The following HELLS variants were observed in gnomAD, a reference collection of about 807,000 sequenced individuals.
HELLS encodes the protein helicase, lymphoid specific, also known as lymphoid-specific helicase.
HELLS carries 32 observed loss-of-function variants against 120.0 expected under a neutral mutation model. That is an observed-to-expected ratio of 0.27 (90% CI 0.20 to 0.36). The LOEUF is 0.36. Ranked by LOEUF, HELLS falls within the 10% of genes least tolerant of loss-of-function variation. The pLI is 1.00. For synonymous variants in HELLS, 341 were observed against 323.4 expected (o/e 1.05, Z -0.58); for missense variants, 650 against 993.4 (o/e 0.65, Z 4.65).
At chr10:94,606,058 GTCTTTTTTTTTTT>G (rs1300502205), downstream of HELLS, among the ~76,000 whole-genome samples, 1 of 147,002 alleles carries the variant, frequency 6.8e-6, no homozygotes, top group African/African-American at 2.6e-5. Context: ...CTTGGTATGG[GTCTTTTTTTTTTT>G]TCTTTTTTTT....
intron 10 of HELLS, among the ~76,000 whole-genome samples, chr10:94,578,050 G>A (rs1213940606): frequency 1.6e-5 from 2 of 125,702 alleles, no homozygotes; most frequent in African/African-American, 3.0e-5. Flanking sequence ...GGCCTGGGCC[G>A]ACAGAGCGAG....
chr10:94,593,446 C>T, intron 17 of HELLS, 53 bp from the exon 18 acceptor site: 4 of 1,133,968 alleles, frequency 3.5e-6, no homozygotes, highest in Non-Finnish European at 5.3e-6. Context: ...CTCCTTCAGT[C>T]TTGTTGGTTA....
At chr10:94,584,404 C>T (rs1589747880) in intron 12 of HELLS, among the ~76,000 whole-genome samples, 1 of 151,976 alleles carries the variant, frequency 6.6e-6, no homozygotes, top group Admixed American at 6.6e-5. Flanking sequence ...TTTTTTCCCA[C>T]TGTGACTCTG....
At chr10:94,580,885 A>T (rs1421973973) in intron 10 of HELLS, among the ~76,000 whole-genome samples, 1 of 152,196 alleles carries the variant, frequency 6.6e-6, no homozygotes, top group Non-Finnish European at 1.5e-5. Context: ...TGAGTGGGTG[A>T]CTTTCTGTGA....
chr10:94,585,494 G>GAGCAGCTTTT lies in HELLS; in HGVS notation c.1326+2435_1326+2436insAGCAGCTTTT, dbSNP rs1316163958. 2.7e-5 allele frequency among the ~76,000 whole-genome samples: 4 copies of GAGCAGCTTTT among 146,978 alleles called. No individual in the cohort carries two copies. The East Asian group carries it at 8.0e-4, about 29-fold the overall frequency. ...CCTCCCAGGTTCAAGCGATTTTCCTGCCTTAGCCTCCTGAGCAGCTGGGAT... is the reference window on the plus strand; with the variant it reads ...CCTCCCAGGTTCAAGCGATTTTCCTGAGCAGCTTTTCCTTAGCCTCCTGAGCAGCTGGGAT... On this transcript the variant is annotated intron_variant, in intron 12 of 21. Coordinates refer to ENST00000348459, the MANE Select transcript of HELLS (RefSeq NM_018063.5).
intron 19 of HELLS, among the ~76,000 whole-genome samples, chr10:94,596,564 C>G (rs982522967): frequency 1.3e-5 from 2 of 151,872 alleles, no homozygotes; most frequent in African/African-American, 4.8e-5. Flanking sequence ...TTTCTAGATT[C>G]TGGTTATTAT....
At chr10:94,553,757 C>T (rs912067733) in intron 2 of HELLS, among the ~76,000 whole-genome samples, 4 of 150,198 alleles carry the variant, frequency 2.7e-5, no homozygotes, top group Admixed American at 6.7e-5. Flanking sequence ...CATGTTGGTC[C>T]GGCTGGTCTC....
At chr10:94,591,440 T>A (rs575150766) in intron 15 of HELLS, among the ~76,000 whole-genome samples, 1 of 152,328 alleles carries the variant, frequency 6.6e-6, no homozygotes, top group East Asian at 1.9e-4. Flanking sequence ...AATAAATTCT[T>A]AGTAACCCTC....
chr10:94,613,497 G>A (rs1846214571), exon 10 of HELLS: 1 of 152,080 alleles, frequency 6.6e-6, no homozygotes, highest in Admixed American at 6.5e-5. Flanking sequence ...TGCTTTCGAT[G>A]TTTATTCTGT....
intron 9 of HELLS, among the ~76,000 whole-genome samples, chr10:94,609,011 CTTTTTTTTTTTTTT>C (rs71031590): frequency 1.0e-4 from 7 of 68,236 alleles, no homozygotes; most frequent in Admixed American, 1.9e-4. Context: ...GTATCCACCT[CTTTTTTTTTTTTTT>C]TTTTTTTTTT....
intron 11 of HELLS, among the ~76,000 whole-genome samples, chr10:94,582,351 T>G (rs1166312615): frequency 6.6e-6 from 1 of 152,072 alleles, no homozygotes; most frequent in Non-Finnish European, 1.5e-5. Flanking sequence ...AGAATCTGAG[T>G]TTTTTGAACA....
chr10:94,546,531 G>C (rs1293302225), intron 2 of HELLS, 33 bp downstream of exon 2: 1 of 1,613,068 alleles, frequency 6.2e-7, no homozygotes, highest in Non-Finnish European at 8.5e-7. Context: ...CGTCGTGAAA[G>C]CCTGTGGTAA....
intron 3 of HELLS, among the ~76,000 whole-genome samples, chr10:94,556,966 A>G (rs1843300430): frequency 6.6e-6 from 1 of 152,102 alleles, no homozygotes; most frequent in South Asian, 2.1e-4. Context: ...TGCCCTTGCT[A>G]TTTTATGCCT....
chr10:94,612,149 T>C (rs1283955375), exon 10 of HELLS: 1 of 152,060 alleles, frequency 6.6e-6, no homozygotes, highest in Non-Finnish European at 1.5e-5. Flanking sequence ...AATTGAAAAA[T>C]GATTGTTTTC....
At chr10:94,564,899 T>C (rs1843716417) in intron 6 of HELLS, among the ~76,000 whole-genome samples, 1 of 152,100 alleles carries the variant, frequency 6.6e-6, no homozygotes, top group Admixed American at 6.6e-5. Context: ...CTGGCCACAT[T>C]CTTATATTTA....
intron 4 of HELLS, among the ~76,000 whole-genome samples, chr10:94,560,964 G>T (rs1015398599): frequency 2.0e-5 from 3 of 151,444 alleles, no homozygotes; most frequent in Non-Finnish European, 4.4e-5. Flanking sequence ...GCTGACACAG[G>T]AGAATTGCTT....
intron 12 of HELLS, among the ~76,000 whole-genome samples, chr10:94,586,849 G>A (rs1346662395): frequency 6.6e-6 from 1 of 151,816 alleles, no homozygotes; most frequent in East Asian, 1.9e-4. Flanking sequence ...CCGCCACCAC[G>A]CCTGACTAAA....
intron 2 of HELLS, among the ~76,000 whole-genome samples, chr10:94,553,577 G>A (rs11188018): frequency 0.034 from 4,510 of 132,166 alleles, 220 homozygotes; most frequent in African/African-American, 0.11. Context: ...TTTTTGGTAC[G>A]GAGTTTTGCT....
chr10:94,609,197 A>G (rs755699840), intron 9 of HELLS, among the ~76,000 whole-genome samples: 2 of 151,470 alleles, frequency 1.3e-5, no homozygotes, highest in Admixed American at 1.3e-4. Flanking sequence ...CGAGTTTTGT[A>G]TTTTTAGTAG....
Sources: allele counts gnomAD v4.1 joint callset (sites outside exome capture counted in the v4.1 genomes callset), GRCh38; gene constraint gnomAD v4.1.1; transcripts MANE v1.5; gene names NCBI Gene and HGNC (gene_info 2026-07-23, HGNC 2026-07-21).